GPC5: variants seen among roughly 807,000 people sequenced by gnomAD.
GPC5 encodes glypican-5.
GPC5 carries 47 observed loss-of-function variants against 53.9 expected under a neutral mutation model. The observed-to-expected ratio is 0.87, with a 90% confidence interval of 0.69 to 1.11. GPC5 has a LOEUF of 1.11. GPC5 is among the 50% of genes most tolerant of loss of function. The pLI is 0.00. For missense variants in GPC5, 748 were observed against 713.1 expected (o/e 1.05, Z -0.56); for synonymous variants, 286 against 263.3 (o/e 1.09, Z -0.84).
intron 7 of GPC5, among the ~76,000 whole-genome samples, chr13:92,219,307 G>A (rs1247318768): frequency 1.3e-5 from 2 of 151,926 alleles, no homozygotes; most frequent in African/African-American, 4.8e-5. Flanking sequence ...ATTATATCTG[G>A]ATTTTTCCAA....
In GPC5 at chr13:92,144,962, G is replaced by A; in HGVS notation, c.1534G>A (p.Val512Ile). Residue 512 changes from valine (V) to isoleucine (I), a missense_variant, in exon 7 of 8, where the codon GTC becomes ATC. By Grantham distance (29) the Val-to-Ile change is conservative (BLOSUM62 3). Coordinates refer to ENST00000377067, the MANE Select transcript of GPC5 (RefSeq NM_004466.6). ...DGCGGSGSGE[V>I]KRTLKITDWM... ...TTGCGGGGGATCAGGAAGTGGAGAA[G>A]TCAAGAGGACACTGAAGATCACAGA... 1 of 1,552,232 alleles carries A rather than the reference G, an allele frequency of 6.4e-7. No individual in the cohort carries two copies. The highest frequency in any genetic ancestry group is 8.7e-7 in the Non-Finnish European group (1 of 1,153,930).
intron 3 of GPC5, among the ~76,000 whole-genome samples, chr13:91,694,901 G>A (rs148816586): frequency 7.0e-4 from 107 of 152,266 alleles, no homozygotes; most frequent in African/African-American, 2.4e-3. Flanking sequence ...GAGCCACCGC[G>A]CCCAGCGATT....
chr13:92,187,069 G>A (rs550857541), intron 7 of GPC5, among the ~76,000 whole-genome samples: 7 of 151,290 alleles, frequency 4.6e-5, no homozygotes, highest in African/African-American at 1.7e-4. Flanking sequence ...CTGAGATTGC[G>A]CCATTGCACT....
At chr13:92,728,300 G>T (rs928102819) in intron 7 of GPC5, among the ~76,000 whole-genome samples, 4 of 151,290 alleles carry the variant, frequency 2.6e-5, no homozygotes, top group African/African-American at 9.7e-5. Context: ...ACCTTAATGT[G>T]CTTATATCTT....
At chr13:92,474,707 C>T (rs1879038271) in intron 7 of GPC5, among the ~76,000 whole-genome samples, 1 of 151,342 alleles carries the variant, frequency 6.6e-6, no homozygotes, top group African/African-American at 2.4e-5. Flanking sequence ...ACTACAAGTA[C>T]ACTTTGATTC....
At chr13:92,124,032 AAT>A (rs1354956491) in intron 6 of GPC5, among the ~76,000 whole-genome samples, 2 of 151,918 alleles carry the variant, frequency 1.3e-5, no homozygotes, top group African/African-American at 4.8e-5. Flanking sequence ...TCTAGTGAAT[AAT>A]GACTTAATAA....
At chr13:91,634,559 C>A (rs2034239701) in intron 2 of GPC5, among the ~76,000 whole-genome samples, 1 of 152,048 alleles carries the variant, frequency 6.6e-6, no homozygotes, top group Non-Finnish European at 1.5e-5. Flanking sequence ...TAATTTAGCT[C>A]ACTCTTCCGA....
At chr13:91,700,929 A>G (rs2035978170) in intron 3 of GPC5, among the ~76,000 whole-genome samples, 1 of 152,240 alleles carries the variant, frequency 6.6e-6, no homozygotes, top group African/African-American at 2.4e-5. Context: ...ATAATTTCTG[A>G]TTGAATTTTA....
intron 7 of GPC5, among the ~76,000 whole-genome samples, chr13:92,722,168 G>A (rs943775311): frequency 3.3e-5 from 5 of 151,976 alleles, no homozygotes; most frequent in Admixed American, 2.0e-4. Flanking sequence ...ATTTCAGGAT[G>A]TAAGCTCATT....
rs538404621 is a variant in GPC5 at position 91,972,433 on chromosome 13, G to A, written c.1401+64376G>A. 1.1e-3 allele frequency among the ~76,000 whole-genome samples: 168 copies of A among 152,166 alleles called. 2 individuals carry two copies. Among genetic ancestry groups the A allele is most frequent in the African/African-American group, 3.9e-3 (160 of 41,528 alleles). ...GACTCTTTATCCAATTTGCCAGTCT[G>A]TGTCTTTTAATTGGAGCATTTAGCC... is the stretch of plus-strand genomic sequence containing the variant. On this transcript the variant is annotated intron_variant, in intron 6 of 7. Coordinates refer to ENST00000377067, the MANE Select transcript of GPC5 (RefSeq NM_004466.6).
At chr13:92,467,239 G>T (rs527280486) in intron 7 of GPC5, among the ~76,000 whole-genome samples, 2 of 152,130 alleles carry the variant, frequency 1.3e-5, no homozygotes, top group East Asian at 1.9e-4. Context: ...TTCAGACAGT[G>T]TTGGTGTCGT....
intron 6 of GPC5, among the ~76,000 whole-genome samples, chr13:92,092,324 C>T (rs1240804794): frequency 6.6e-6 from 1 of 152,106 alleles, no homozygotes; most frequent in Non-Finnish European, 1.5e-5. Flanking sequence ...ATTTTCTAGA[C>T]AAATTTGATA....
Position 92,356,071 on chromosome 13 carries a change from C to G in GPC5, c.1561+211082C>G, listed in dbSNP as rs569303428. Among the ~76,000 whole-genome samples the G allele has an allele frequency of 2.0e-5, 3 of 152,234 alleles. No homozygotes were observed. The East Asian group carries it at 5.8e-4, about 29-fold the overall frequency. ...TCTCTACCACTGGCCTTTTCTTTCT[C>G]TCACAGGGGATAACTTCCCTGCTCG... On this transcript the variant is annotated intron_variant, in intron 7 of 7. Coordinates refer to ENST00000377067, the MANE Select transcript of GPC5 (RefSeq NM_004466.6).
chr13:91,965,945 T>G (rs1400288547), intron 6 of GPC5, among the ~76,000 whole-genome samples: 7 of 152,322 alleles, frequency 4.6e-5, no homozygotes, highest in South Asian at 4.1e-4. Context: ...ATTTGTAAAG[T>G]AGGTTTCCAT....
At chr13:91,487,861 T>C (rs1289519331) in intron 2 of GPC5, among the ~76,000 whole-genome samples, 2 of 151,990 alleles carry the variant, frequency 1.3e-5, no homozygotes, top group African/African-American at 4.8e-5. Context: ...TCCTACCAAA[T>C]ATAGTAAGCA....
intron 7 of GPC5, among the ~76,000 whole-genome samples, chr13:92,843,802 A>C (rs1387202680): frequency 6.6e-6 from 1 of 152,114 alleles, no homozygotes; most frequent in Non-Finnish European, 1.5e-5. Context: ...AAGCGAGAAA[A>C]TTACACAGCT....
chr13:91,958,292 G>A (rs1288894000), intron 6 of GPC5, among the ~76,000 whole-genome samples: 2 of 151,508 alleles, frequency 1.3e-5, no homozygotes, highest in South Asian at 2.1e-4. Flanking sequence ...AAAAAAAAAG[G>A]TCATTATATA....
At chr13:92,695,253 C>T (rs1217927579) in intron 7 of GPC5, among the ~76,000 whole-genome samples, 2 of 152,082 alleles carry the variant, frequency 1.3e-5, no homozygotes, top group South Asian at 2.1e-4. Context: ...ATATTTTTTG[C>T]TCACTTTTTA....
rs180704902 is a variant in GPC5, at chr13:92,682,739, C to T, written c.1562-183543C>T. Among the ~76,000 whole-genome samples, 12 of 152,286 alleles carry T rather than the reference C, an allele frequency of 7.9e-5. No individual in the cohort carries two copies. The East Asian group carries it at 2.3e-3, about 29-fold the overall frequency. The stretch of plus-strand genomic sequence containing the variant: ...TAATTTATCGGACACGGGTTGTATA[C>T]ATTGTACCTACAAAATTTTATCAAA... On this transcript the variant is annotated intron_variant, in intron 7 of 7. Transcript: ENST00000377067.
Sources: allele counts gnomAD v4.1 joint callset (sites outside exome capture counted in the v4.1 genomes callset), GRCh38; gene constraint gnomAD v4.1.1; transcripts MANE v1.5; gene names NCBI Gene and HGNC (gene_info 2026-07-23, HGNC 2026-07-21).